CCDC91: variants seen among roughly 807,000 people sequenced by gnomAD.
CCDC91 encodes the protein coiled-coil domain-containing protein 91.
Under a neutral mutation model 63.2 loss-of-function variants are expected in CCDC91, and 48 were observed. That is an observed-to-expected ratio of 0.76 (90% CI 0.60 to 0.97). CCDC91 has a LOEUF of 0.97. CCDC91 is among the 50% of genes least tolerant of loss of function. The pLI, the probability that CCDC91 is intolerant of heterozygous loss-of-function variation, is 0.00. For synonymous variants in CCDC91, 167 were observed against 165.8 expected (o/e 1.01, Z -0.06); for missense variants, 500 against 494.6 (o/e 1.01, Z -0.10).
chr12:28,282,750 A>AT lies in CCDC91; in HGVS notation c.110-22896dup, dbSNP rs1196425547. On this transcript the variant is annotated intron_variant, in intron 3 of 12. Transcript: ENST00000536442. ...TTATTTTTGTTTTTACTGCATTTGC[A>AT]TTTGGGATCTTAGTCATAAATTCTC... Among the ~76,000 whole-genome samples, 3 of 152,154 alleles carry AT rather than the reference A, an allele frequency of 2.0e-5. No homozygotes were observed. The East Asian group carries it at 5.8e-4, about 29-fold the overall frequency.
At chr12:28,450,303 T>A in intron 9 of CCDC91, 47 bp from the exon 10 acceptor site, 1 of 1,586,594 alleles carries the variant, frequency 6.3e-7, no homozygotes, top group Non-Finnish European at 8.7e-7. Context: ...TTCTGTTACC[T>A]CAAATAATAC....
At chr12:28,395,663 G>T (rs1000481939) in intron 8 of CCDC91, among the ~76,000 whole-genome samples, 4 of 152,158 alleles carry the variant, frequency 2.6e-5, no homozygotes, top group East Asian at 1.9e-4. Flanking sequence ...AATTTTCAGG[G>T]TGATAAGAGT....
chr12:28,217,730 T>C (rs1381782576), intron 1 of CCDC91, among the ~76,000 whole-genome samples: 1 of 152,010 alleles, frequency 6.6e-6, no homozygotes. Context: ...TAAAACTCTA[T>C]GTAATCATTA....
intron 8 of CCDC91, among the ~76,000 whole-genome samples, chr12:28,444,657 A>C (rs973294525): frequency 2.0e-5 from 3 of 152,140 alleles, no homozygotes; most frequent in Admixed American, 2.0e-4. Context: ...AGAAGGGAAC[A>C]ACAGACACTG....
chr12:28,285,225 A>C (rs1948841843), intron 3 of CCDC91, among the ~76,000 whole-genome samples: 1 of 152,164 alleles, frequency 6.6e-6, no homozygotes, highest in African/African-American at 2.4e-5. Context: ...GAAGTTTTTC[A>C]GAGTTTCTCT....
intron 1 of CCDC91, among the ~76,000 whole-genome samples, chr12:28,228,214 T>G (rs1944389812): frequency 6.6e-6 from 1 of 152,130 alleles, no homozygotes; most frequent in African/African-American, 2.4e-5. Flanking sequence ...CTTTTGGCTA[T>G]GTCTTTGCCA....
chr12:28,363,519 A>C (rs569028353), intron 7 of CCDC91, among the ~76,000 whole-genome samples: 7 of 152,200 alleles, frequency 4.6e-5, no homozygotes, highest in Non-Finnish European at 7.4e-5. Context: ...TGTGTTGTTG[A>C]TTAAACTTCC....
intron 6 of CCDC91, 88 bp downstream of exon 6, chr12:28,307,837 T>C (rs902756323): frequency 2.8e-6 from 2 of 716,980 alleles, no homozygotes; most frequent in African/African-American, 1.9e-5. Flanking sequence ...GAATATCTTA[T>C]GAATGAAGAA....
At chr12:28,295,548 A>T (rs910513934) in intron 3 of CCDC91, among the ~76,000 whole-genome samples, 1 of 152,050 alleles carries the variant, frequency 6.6e-6, no homozygotes, top group Non-Finnish European at 1.5e-5. Flanking sequence ...TATTATTTTA[A>T]TACCAATGTG....
At chr12:28,350,448 A>G (rs1260034300) in intron 6 of CCDC91, among the ~76,000 whole-genome samples, 3 of 152,182 alleles carry the variant, frequency 2.0e-5, no homozygotes, top group African/African-American at 7.2e-5. Context: ...ATCAGGAGAA[A>G]TATCTTATTG....
chr12:28,335,669 A>AGT (rs1402526517), intron 6 of CCDC91, among the ~76,000 whole-genome samples: 1 of 151,864 alleles, frequency 6.6e-6, no homozygotes, highest in African/African-American at 2.4e-5. Context: ...GGCCTCTCAA[A>AGT]GTACTGGATT....
At chr12:28,481,042 C>T (rs904545710) in intron 11 of CCDC91, among the ~76,000 whole-genome samples, 22 of 151,958 alleles carry the variant, frequency 1.4e-4, no homozygotes, top group Non-Finnish European at 3.2e-4. Flanking sequence ...CCTATTTAAT[C>T]ATAACAGTAT....
At chr12:28,257,363 T>C (rs1946523712) in intron 2 of CCDC91, 118 bp downstream of exon 2, 1 of 661,772 alleles carries the variant, frequency 1.5e-6, no homozygotes, top group African/African-American at 1.9e-5. Flanking sequence ...ATCATTTTAA[T>C]GTAATTCTGG....
chr12:28,208,224 G>A (rs1942987131), intron 1 of CCDC91, among the ~76,000 whole-genome samples: 2 of 152,134 alleles, frequency 1.3e-5, no homozygotes, highest in African/African-American at 4.8e-5. Flanking sequence ...TCAGCATTAA[G>A]CAATTAACTG....
intron 6 of CCDC91, among the ~76,000 whole-genome samples, chr12:28,339,866 C>T (rs1355998008): frequency 6.6e-6 from 1 of 152,120 alleles, no homozygotes; most frequent in African/African-American, 2.4e-5. Context: ...TCTTAATGAA[C>T]CTCAGTGTCC....
chr12:28,239,722 A>G (rs1018249019), intron 1 of CCDC91, among the ~76,000 whole-genome samples: 22 of 152,196 alleles, frequency 1.4e-4, no homozygotes, highest in African/African-American at 4.6e-4. Flanking sequence ...AAATAATACA[A>G]TTATGAAGGG....
chr12:28,477,669 A>G (rs1418757049), intron 11 of CCDC91, among the ~76,000 whole-genome samples: 1 of 152,176 alleles, frequency 6.6e-6, no homozygotes, highest in Non-Finnish European at 1.5e-5. Context: ...GAGGAAGTCA[A>G]ATTATCCCTG....
At chr12:28,459,080 G>A (rs2140432841) in intron 11 of CCDC91, among the ~76,000 whole-genome samples, 3 of 152,212 alleles carry the variant, frequency 2.0e-5, no homozygotes, top group Admixed American at 2.0e-4. Flanking sequence ...GAACCAAGTG[G>A]CTGGTACACA....
At chr12:28,307,841 TG>T (rs1396728699) in intron 6 of CCDC91, 92 bp downstream of exon 6, 2 of 705,742 alleles carry the variant, frequency 2.8e-6, no homozygotes, top group Non-Finnish European at 4.9e-6. Context: ...ATCTTATGAA[TG>T]AAGAATCAGA....
Sources: gnomAD v4.1 joint callset for allele counts (sites outside exome capture counted in the v4.1 genomes callset) on GRCh38, gnomAD v4.1.1 for gene constraint, MANE v1.5 for transcripts, NCBI Gene and HGNC (gene_info 2026-07-23, HGNC 2026-07-21) for gene names.